PCLO: variants seen among roughly 807,000 people sequenced by gnomAD.
PCLO encodes protein piccolo.
Under a neutral mutation model 427.5 loss-of-function variants are expected in PCLO, and 82 were observed. The observed-to-expected ratio is 0.19, with a 90% confidence interval of 0.16 to 0.23. The LOEUF (loss-of-function observed/expected upper bound fraction) is 0.23, where lower values mean the gene tolerates loss of function less well. Ranked by LOEUF, PCLO falls within the 10% of genes least tolerant of loss-of-function variation. The probability of loss-of-function intolerance (pLI) is 1.00; values close to 1 mark genes in which losing one functional copy is unlikely to be tolerated. For missense variants in PCLO, 6,239 were observed against 6,115.9 expected, an observed-to-expected ratio of 1.02 and a Z score of -0.67; for synonymous variants, 2,357 against 2,155.4, an observed-to-expected ratio of 1.09 and a Z score of -2.59.
At chr7:82,935,711 T>C (rs1423220919) in intron 6 of PCLO, among the ~76,000 whole-genome samples, 2 of 151,612 alleles carry the variant, frequency 1.3e-5, no homozygotes, top group African/African-American at 4.8e-5. Flanking sequence ...CACTATACGA[T>C]CACGGCGTGA....
chr7:83,101,793 T>C (rs930178790), intron 3 of PCLO, among the ~76,000 whole-genome samples: 3 of 152,156 alleles, frequency 2.0e-5, no homozygotes, highest in South Asian at 2.1e-4. Flanking sequence ...ATTCCAAATA[T>C]GTTTATTTCA....
intron 22 of PCLO, among the ~76,000 whole-genome samples, chr7:82,794,450 A>ATTTTTTTTTTTTTTT (rs141105612): frequency 9.7e-5 from 6 of 62,030 alleles, no homozygotes; most frequent in East Asian, 5.5e-4. Context: ...TAGTTCATAA[A>ATTTTTTTTTTTTTTT]TTTTTTTTCT....
rs183829682 is a variant in PCLO at position 82,985,606 on chromosome 7, A to C, written c.3301-19119T>G. Among the ~76,000 whole-genome samples the C allele has an allele frequency of 3.9e-5, 6 of 152,110 alleles. No individual in the cohort carries two copies. The East Asian group carries it at 1.2e-3, about 29-fold the overall frequency. ...GATGTCTACCACAGATTCATAAAGC[A>C]TTTTAAGTAAATAATGAGTCAAAAT... On this transcript the variant is annotated intron_variant, in intron 3 of 24. Coordinates refer to ENST00000333891, the MANE Select transcript of PCLO (RefSeq NM_033026.6).
chr7:82,870,237 T>C (rs943528922), intron 10 of PCLO, among the ~76,000 whole-genome samples: 7 of 151,926 alleles, frequency 4.6e-5, no homozygotes, highest in South Asian at 2.1e-4. Flanking sequence ...GGCATAAAAA[T>C]AGACACATAG....
At chr7:82,945,511 G>A (rs1454697911) in intron 6 of PCLO, among the ~76,000 whole-genome samples, 1 of 152,158 alleles carries the variant, frequency 6.6e-6, no homozygotes, top group Non-Finnish European at 1.5e-5. Flanking sequence ...ATTAGAGTAG[G>A]CCTAAATCAA....
At chr7:83,089,581 A>G (rs1372308663) in intron 3 of PCLO, among the ~76,000 whole-genome samples, 1 of 152,172 alleles carries the variant, frequency 6.6e-6, no homozygotes, top group African/African-American at 2.4e-5. Context: ...CCTGCCATAC[A>G]ATCTTTGCTA....
intron 3 of PCLO, among the ~76,000 whole-genome samples, chr7:83,054,113 A>G (rs565102254): frequency 4.6e-4 from 70 of 152,174 alleles, no homozygotes; most frequent in African/African-American, 1.6e-3. Context: ...AGAAAGAAAC[A>G]TGATAGTTTA....
At chr7:82,979,417 C>T (rs1796097879) in intron 3 of PCLO, among the ~76,000 whole-genome samples, 1 of 152,128 alleles carries the variant, frequency 6.6e-6, no homozygotes, top group Admixed American at 6.6e-5. Flanking sequence ...ATTGTAAATA[C>T]AGCTATACAA....
At chr7:82,842,902 A>C (rs1022003907) in intron 13 of PCLO, among the ~76,000 whole-genome samples, 1 of 152,162 alleles carries the variant, frequency 6.6e-6, no homozygotes, top group Non-Finnish European at 1.5e-5. Flanking sequence ...GAAAAAAGAT[A>C]GTGAGTGATG....
At chr7:83,142,662 A>T (rs1584080739) in intron 2 of PCLO, among the ~76,000 whole-genome samples, 1 of 152,186 alleles carries the variant, frequency 6.6e-6, no homozygotes, top group Non-Finnish European at 1.5e-5. Flanking sequence ...ATAAACTTTT[A>T]AAAAGTGCAA....
At chr7:83,050,227 A>AAAAAAAAAAC (rs1789207578) in intron 3 of PCLO, among the ~76,000 whole-genome samples, 1 of 85,620 alleles carries the variant, frequency 1.2e-5, no homozygotes, top group Non-Finnish European at 2.7e-5. Context: ...AAAAAAAAAA[A>AAAAAAAAAAC]AAAAAAAAAA....
intron 3 of PCLO, among the ~76,000 whole-genome samples, chr7:83,108,843 C>T (rs1467530253): frequency 2.6e-5 from 4 of 152,058 alleles, no homozygotes; most frequent in African/African-American, 9.7e-5. Context: ...TAATTTTCAA[C>T]TTAATCACAG....
At chr7:83,058,990 G>T (rs1282851178) in intron 3 of PCLO, among the ~76,000 whole-genome samples, 2 of 151,884 alleles carry the variant, frequency 1.3e-5, no homozygotes, top group African/African-American at 4.8e-5. Context: ...AACTATAAAT[G>T]ATCTCAGATT....
chr7:82,808,175 A>G (rs1305960801), intron 20 of PCLO, among the ~76,000 whole-genome samples: 1 of 151,950 alleles, frequency 6.6e-6, no homozygotes, highest in Non-Finnish European at 1.5e-5. Flanking sequence ...TGAATGGAAG[A>G]CATTAATTTC....
chr7:82,808,396 T>C (rs1198492249), intron 20 of PCLO, among the ~76,000 whole-genome samples: 6 of 151,950 alleles, frequency 3.9e-5, no homozygotes, highest in African/African-American at 1.2e-4. Flanking sequence ...TTTTACCTGA[T>C]GCGATTTTTA....
chr7:83,103,734 TTAAGAG>T (rs1422041149), intron 3 of PCLO, among the ~76,000 whole-genome samples: 6 of 151,928 alleles, frequency 3.9e-5, no homozygotes, highest in South Asian at 2.1e-4. Flanking sequence ...AATATAAAGA[TTAAGAG>T]TAAATCACAA....
Position 83,162,480 on chromosome 7 carries a change from G to C in PCLO, c.113C>G (p.Pro38Arg). The C allele has an allele frequency of 6.3e-7, 1 of 1,580,326 alleles. No homozygotes were observed. Among genetic ancestry groups the C allele is most frequent in the South Asian group, 1.2e-5 (1 of 86,540 alleles). Residue 38 changes from proline (P) to arginine (R), a missense_variant, in exon 1 of 25, where the codon CCG becomes CGG. By Grantham distance (103) the Pro-to-Arg change is moderately radical (BLOSUM62 -2). Coordinates refer to ENST00000333891, the MANE Select transcript of PCLO (RefSeq NM_033026.6). ...GCTCAAATCCGCCTCCATGCCGGCC[G>C]GGATCGCGGTGTGAGAGGGGCTCCC... ...GAGSPSHTAI[P>R]AGMEADLSQL... is the part of the protein sequence containing the mutation.
At chr7:83,135,681 C>A in intron 2 of PCLO, 25 bp from the exon 3 acceptor site, 1 of 1,451,610 alleles carries the variant, frequency 6.9e-7, no homozygotes, top group South Asian at 1.3e-5. Context: ...AAACAATGGT[C>A]ACCGAGACAA....
chr7:83,108,084 T>C (rs1031562939), intron 3 of PCLO, among the ~76,000 whole-genome samples: 5 of 151,974 alleles, frequency 3.3e-5, no homozygotes, highest in Admixed American at 6.6e-5. Context: ...GCAATAGTTA[T>C]GGCCATTGAT....
Sources: allele counts gnomAD v4.1 joint callset (sites outside exome capture counted in the v4.1 genomes callset), GRCh38; gene constraint gnomAD v4.1.1; transcripts MANE v1.5; gene names NCBI Gene and HGNC (gene_info 2026-07-23, HGNC 2026-07-21).